The following TSNAX variants were observed in gnomAD, a reference collection of about 807,000 sequenced individuals.
TSNAX encodes translin-associated protein X.
A neutral mutation model predicts 33.0 loss-of-function variants in TSNAX; 12 were observed. That is an observed-to-expected ratio of 0.36 (90% CI 0.23 to 0.59). The LOEUF (loss-of-function observed/expected upper bound fraction) is 0.59. Among genes scored for constraint, TSNAX ranks in the 20% least tolerant of loss-of-function variants. The pLI, the probability that TSNAX is intolerant of heterozygous loss-of-function variation, is 0.74. For synonymous variants in TSNAX, 110 were observed against 117.2 expected, an observed-to-expected ratio of 0.94 and a Z score of 0.40; for missense variants, 267 against 341.3, an observed-to-expected ratio of 0.78 and a Z score of 1.72.
At chr1:231,549,782 C>T (rs1394914142) in intron 4 of TSNAX, among the ~76,000 whole-genome samples, 2 of 152,176 alleles carry the variant, frequency 1.3e-5, no homozygotes, top group Admixed American at 6.5e-5. Context: ...CAAATTTCAG[C>T]ACATGTGGTT....
intron 4 of TSNAX, among the ~76,000 whole-genome samples, chr1:231,550,381 C>T (rs1317289559): frequency 6.6e-6 from 1 of 152,090 alleles, no homozygotes; most frequent in Non-Finnish European, 1.5e-5. Context: ...TTTGTAAACC[C>T]CCAAAAAGAG....
intron 4 of TSNAX, among the ~76,000 whole-genome samples, chr1:231,555,154 C>T (rs1355613808): frequency 6.6e-6 from 1 of 152,182 alleles, no homozygotes; most frequent in Non-Finnish European, 1.5e-5. Flanking sequence ...GTGGAAGTGA[C>T]TCAGTTGTCT....
intron 4 of TSNAX, among the ~76,000 whole-genome samples, chr1:231,543,069 T>A (rs1362604850): frequency 1.3e-5 from 2 of 151,542 alleles, no homozygotes; most frequent in African/African-American, 4.9e-5. Context: ...TCCCAGCTAC[T>A]CCGGAGGCTG....
At chr1:231,549,926 A>C (rs973954583) in intron 4 of TSNAX, among the ~76,000 whole-genome samples, 11 of 152,166 alleles carry the variant, frequency 7.2e-5, no homozygotes, top group Admixed American at 2.0e-4. Flanking sequence ...CTCAAGTCTG[A>C]GATCGAGGTG....
chr1:231,549,870 A>G (rs1174609300), intron 4 of TSNAX, among the ~76,000 whole-genome samples: 1 of 152,200 alleles, frequency 6.6e-6, no homozygotes, highest in African/African-American at 2.4e-5. Flanking sequence ...AATACCACAG[A>G]CTGGGTGGCT....
At chr1:231,557,686 A>G (rs1360678139) in intron 4 of TSNAX, among the ~76,000 whole-genome samples, 2 of 152,150 alleles carry the variant, frequency 1.3e-5, no homozygotes, top group African/African-American at 2.4e-5. Flanking sequence ...AAGTGAGAAC[A>G]CCTAGTATGT....
At chr1:231,552,249 A>C (rs1444149928) in intron 4 of TSNAX, among the ~76,000 whole-genome samples, 1 of 152,184 alleles carries the variant, frequency 6.6e-6, no homozygotes, top group East Asian at 1.9e-4. Flanking sequence ...AGATCGTGCC[A>C]CTGTACTCCA....
intron 4 of TSNAX, among the ~76,000 whole-genome samples, chr1:231,556,853 A>G (rs946858829): frequency 2.6e-5 from 4 of 152,230 alleles, no homozygotes; most frequent in Admixed American, 2.6e-4. Context: ...TAACTATAGC[A>G]TGAATTGAGG....
chr1:231,552,204 A>G (rs1181596492), intron 4 of TSNAX, among the ~76,000 whole-genome samples: 1 of 151,538 alleles, frequency 6.6e-6, no homozygotes, highest in Non-Finnish European at 1.5e-5. Flanking sequence ...AGAGAGAATC[A>G]CTTGAACCCA....
At chr1:231,549,348 A>G (rs549376359) in intron 4 of TSNAX, among the ~76,000 whole-genome samples, 38 of 152,218 alleles carry the variant, frequency 2.5e-4, no homozygotes, top group Middle Eastern at 3.4e-3. Flanking sequence ...TGAACCCAGG[A>G]GGCGGAGGTT....
intron 4 of TSNAX, among the ~76,000 whole-genome samples, chr1:231,559,519 G>C (rs572724657): frequency 6.6e-6 from 1 of 152,178 alleles, no homozygotes; most frequent in African/African-American, 2.4e-5. Flanking sequence ...TAGTAGAGAC[G>C]GGGTTTCACC....
intron 3 of TSNAX, among the ~76,000 whole-genome samples, chr1:231,538,015 C>A (rs535379490): frequency 1.3e-5 from 2 of 152,256 alleles, no homozygotes; most frequent in African/African-American, 2.4e-5. Context: ...TTCTGCCTCA[C>A]AATTATTGAA....
intron 4 of TSNAX, among the ~76,000 whole-genome samples, chr1:231,558,445 T>G (rs1660829288): frequency 6.6e-6 from 1 of 152,152 alleles, no homozygotes; most frequent in African/African-American, 2.4e-5. Flanking sequence ...AGTATCCACC[T>G]CCTTCTTCTG....
At chr1:231,555,083 CACG>C (rs1452408368) in intron 4 of TSNAX, among the ~76,000 whole-genome samples, 2 of 152,212 alleles carry the variant, frequency 1.3e-5, no homozygotes, top group African/African-American at 4.8e-5. Context: ...TAATTGAAAG[CACG>C]ACTTGAACAG....
chr1:231,554,234 A>G (rs1660541394), intron 4 of TSNAX, among the ~76,000 whole-genome samples: 1 of 152,284 alleles, frequency 6.6e-6, no homozygotes, highest in African/African-American at 2.4e-5. Context: ...TTTGAACACT[A>G]ACCTTGTTAG....
intron 4 of TSNAX, among the ~76,000 whole-genome samples, chr1:231,557,889 A>G (rs979451135): frequency 5.9e-5 from 9 of 152,132 alleles, no homozygotes; most frequent in African/African-American, 1.9e-4. Flanking sequence ...ATTAGATGGT[A>G]ATATGAACAG....
chr1:231,533,480 A>T (rs571435995), intron 2 of TSNAX, among the ~76,000 whole-genome samples: 1 of 152,306 alleles, frequency 6.6e-6, no homozygotes, highest in African/African-American at 2.4e-5. Context: ...CAAACCCAGG[A>T]TCTTTAATGT....
chr1:231,528,739 G>T lies in TSNAX; in HGVS notation c.-72G>T. On this transcript the variant is annotated 5_prime_UTR_variant, in exon 1 of 6. Coordinates refer to ENST00000366639, the MANE Select transcript of TSNAX (RefSeq NM_005999.3). ...CAGGCTGTTTTCCCAGGTTCCCTCGGCCTGTACCTCGCGCACTCCTCTTGC... is the reference window on the plus strand; with the variant it reads ...CAGGCTGTTTTCCCAGGTTCCCTCGTCCTGTACCTCGCGCACTCCTCTTGC... The T allele has an allele frequency of 6.3e-7, 1 of 1,594,934 alleles. No individual in the cohort carries two copies. The highest frequency in any genetic ancestry group is 8.6e-7 in the Non-Finnish European group (1 of 1,163,758).
At chr1:231,564,499 G>C in intron 5 of TSNAX, 29 bp from the exon 6 acceptor site, 1 of 1,491,014 alleles carries the variant, frequency 6.7e-7, no homozygotes. Flanking sequence ...GTGTGTGTGT[G>C]TTTTTGTTTT....
Sources: gnomAD v4.1 joint callset for allele counts (sites outside exome capture counted in the v4.1 genomes callset) on GRCh38, gnomAD v4.1.1 for gene constraint, MANE v1.5 for transcripts, NCBI Gene and HGNC (gene_info 2026-07-23, HGNC 2026-07-21) for gene names.